Variants in JAZF1 observed in about 807,000 individuals in gnomAD.
JAZF1 encodes juxtaposed with another zinc finger protein 1.
JAZF1 carries 8 observed loss-of-function variants against 26.4 expected under a neutral mutation model. The observed-to-expected ratio is 0.30, with a 90% CI of 0.18 to 0.55. The LOEUF (loss-of-function observed/expected upper bound fraction) is 0.55. Among genes scored for constraint, JAZF1 ranks in the 20% least tolerant of loss-of-function variants. The pLI, the probability that JAZF1 is intolerant of heterozygous loss-of-function variation, is 0.94. For missense variants in JAZF1, 199 were observed against 322.0 expected (o/e 0.62, Z 2.92); for synonymous variants, 126 against 122.3 (o/e 1.03, Z -0.20).
intron 2 of JAZF1, among the ~76,000 whole-genome samples, chr7:27,927,531 A>C (rs1043385971): frequency 3.3e-5 from 5 of 152,122 alleles, no homozygotes; most frequent in Non-Finnish European, 7.4e-5. Context: ...AATAACTATA[A>C]AGTACTTATA....
intron 1 of JAZF1, among the ~76,000 whole-genome samples, chr7:28,161,845 G>C (rs1386587167): frequency 6.6e-6 from 1 of 152,132 alleles, no homozygotes; most frequent in Admixed American, 6.5e-5. Flanking sequence ...AGTCAAGCAG[G>C]CCTGACTGTG....
chr7:27,947,553 G>C (rs1016502790), intron 2 of JAZF1, among the ~76,000 whole-genome samples: 3 of 152,162 alleles, frequency 2.0e-5, no homozygotes, highest in African/African-American at 7.2e-5. Context: ...CTTCTTGACA[G>C]TTCACATAAT....
Position 27,842,144 on chromosome 7 carries a change from T to G in JAZF1, c.386-1277A>C, listed in dbSNP as rs1433461237. The G allele has an allele frequency of 4.6e-5, 7 of 152,186 alleles. No homozygotes were observed. The South Asian group carries it at 1.0e-3, about 23-fold the overall frequency. 9.4% of individuals were successfully genotyped at this position (152,186 alleles called of 1,614,324 possible). ...GGACGCCGGCATCTGAGGCTCAAAG[T>G]TGAAAGGAGCCAGGAAGGAAGGAAG... On this transcript the variant is annotated intron_variant, in intron 3 of 4. Coordinates refer to ENST00000283928, the MANE Select transcript of JAZF1 (RefSeq NM_175061.4).
chr7:28,101,488 T>C (rs1011211401), intron 1 of JAZF1, among the ~76,000 whole-genome samples: 7 of 150,240 alleles, frequency 4.7e-5, no homozygotes, highest in Admixed American at 3.3e-4. Flanking sequence ...CCTGTAATTC[T>C]AGCACTTTGA....
intron 2 of JAZF1, among the ~76,000 whole-genome samples, chr7:27,972,516 A>T (rs1785391651): frequency 1.3e-5 from 2 of 152,234 alleles, no homozygotes; most frequent in African/African-American, 4.8e-5. Flanking sequence ...TTTCACTTTT[A>T]CTTCAAGTGT....
At chr7:27,994,978 A>C (rs1785984834) in intron 1 of JAZF1, among the ~76,000 whole-genome samples, 1 of 152,204 alleles carries the variant, frequency 6.6e-6, no homozygotes, top group Admixed American at 6.5e-5. Context: ...ACAGATCCCC[A>C]CATCCTGCAC....
rs572225316 is a variant in JAZF1 at position 28,158,082 on chromosome 7, T to C, written c.115+22381A>G. On this transcript the variant is annotated intron_variant, in intron 1 of 4. Coordinates refer to ENST00000283928, the MANE Select transcript of JAZF1 (RefSeq NM_175061.4). ...AGGGGGAATTATACTTCTCGACCTCTCAAAACTTGGTTGAGGGCAGGCACT... is the reference window on the plus strand; with the variant it reads ...AGGGGGAATTATACTTCTCGACCTCCCAAAACTTGGTTGAGGGCAGGCACT... Among the ~76,000 whole-genome samples, 3 of 151,750 alleles carry C rather than the reference T, an allele frequency of 2.0e-5. No homozygotes were observed. In the South Asian group the frequency reaches 6.2e-4, roughly 32 times the overall value.
chr7:27,883,352 T>C (rs1370158396), intron 3 of JAZF1, among the ~76,000 whole-genome samples: 1 of 152,216 alleles, frequency 6.6e-6, no homozygotes, highest in Non-Finnish European at 1.5e-5. Context: ...AGATTTCTTA[T>C]GGGAATTCTT....
chr7:28,057,337 C>T (rs1783728472), intron 1 of JAZF1, among the ~76,000 whole-genome samples: 1 of 152,194 alleles, frequency 6.6e-6, no homozygotes, highest in East Asian at 1.9e-4. Flanking sequence ...ACTTTTGTAC[C>T]TCAGTATAGG....
chr7:27,871,770 T>C (rs1001707683), intron 3 of JAZF1, among the ~76,000 whole-genome samples: 1 of 152,120 alleles, frequency 6.6e-6, no homozygotes, highest in African/African-American at 2.4e-5. Flanking sequence ...TCTTTTGGGG[T>C]GGGTTCTAGA....
chr7:27,930,505 T>A (rs1447033306), intron 2 of JAZF1, among the ~76,000 whole-genome samples: 1 of 152,184 alleles, frequency 6.6e-6, no homozygotes, highest in African/African-American at 2.4e-5. Flanking sequence ...AGAACACATT[T>A]CAAGTGGTCA....
chr7:28,018,026 C>A (rs1360392894), intron 1 of JAZF1, among the ~76,000 whole-genome samples: 1 of 152,152 alleles, frequency 6.6e-6, no homozygotes, highest in Non-Finnish European at 1.5e-5. Context: ...CCCACCTCAG[C>A]CTCCCAAAGT....
At chr7:28,154,840 G>C (rs1783156348) in intron 1 of JAZF1, among the ~76,000 whole-genome samples, 1 of 150,682 alleles carries the variant, frequency 6.6e-6, no homozygotes, top group South Asian at 2.1e-4. Context: ...AAAAAAAAAG[G>C]GGGCTCTCAA....
At chr7:27,979,032 G>A (rs1228256208) in intron 2 of JAZF1, among the ~76,000 whole-genome samples, 1 of 152,042 alleles carries the variant, frequency 6.6e-6, no homozygotes, top group Non-Finnish European at 1.5e-5. Context: ...AATGTCAACA[G>A]CAAATACTAG....
intron 1 of JAZF1, among the ~76,000 whole-genome samples, chr7:28,039,622 AAAGAT>A (rs1783355537): frequency 6.6e-6 from 1 of 152,220 alleles, no homozygotes; most frequent in Admixed American, 6.5e-5. Context: ...GGGGACAAGT[AAAGAT>A]ATTTAGGACC....
In JAZF1 at chr7:27,990,430, T is replaced by TA. The variant is rs61518395; in HGVS notation, c.188+1478dup. Among the ~76,000 whole-genome samples, 541 of 113,504 alleles carry TA rather than the reference T, an allele frequency of 4.8e-3. 5 individuals are homozygous for TA. Among genetic ancestry groups the TA allele is most frequent in the African/African-American group, 0.014 (500 of 35,866 alleles). 74.5% of individuals were successfully genotyped at this position (113,504 alleles called of 152,430 possible). A position where few individuals can be genotyped will look rare whatever the true frequency, so the allele number is the denominator to read the frequency against. ...CACATGTACCCTAGAACTTAAAGTATAAAAAAAAAAAAGGAACTCCTATAT... is the reference window on the plus strand; with the variant it reads ...CACATGTACCCTAGAACTTAAAGTATAAAAAAAAAAAAAGGAACTCCTATAT... On this transcript the variant is annotated intron_variant, in intron 2 of 4. Transcript: ENST00000283928.
intron 1 of JAZF1, among the ~76,000 whole-genome samples, chr7:28,087,270 T>C (rs980968260): frequency 6.6e-6 from 1 of 151,874 alleles, no homozygotes; most frequent in Non-Finnish European, 1.5e-5. Context: ...CAAGAATACA[T>C]CAGCCAGAGC....
At chr7:27,890,937 G>A (rs575771078) in intron 3 of JAZF1, among the ~76,000 whole-genome samples, 1 of 152,092 alleles carries the variant, frequency 6.6e-6, no homozygotes, top group Non-Finnish European at 1.5e-5. Context: ...TTACAGGCGT[G>A]AGCCACCACA....
chr7:27,948,312 C>T (rs572804092), intron 2 of JAZF1, among the ~76,000 whole-genome samples: 1 of 152,250 alleles, frequency 6.6e-6, no homozygotes, highest in African/African-American at 2.4e-5. Flanking sequence ...CAAACACAGC[C>T]AAATAAAAAC....
Sources: gnomAD v4.1 joint callset for allele counts (sites outside exome capture counted in the v4.1 genomes callset) on GRCh38, gnomAD v4.1.1 for gene constraint, MANE v1.5 for transcripts, NCBI Gene and HGNC (gene_info 2026-07-23, HGNC 2026-07-21) for gene names.